Variants in COX7B2 observed in about 807,000 individuals in gnomAD.
The protein encoded by COX7B2 is cytochrome c oxidase subunit 7B2.
For synonymous variants in COX7B2, 37 were observed against 32.1 expected (o/e 1.15, Z -0.51); for missense variants, 109 against 95.9 (o/e 1.14, Z -0.57).
At chr4:46,883,376 T>C (rs1461967861) in intron 1 of COX7B2, among the ~76,000 whole-genome samples, 1 of 118,100 alleles carries the variant, frequency 8.5e-6, no homozygotes, top group Non-Finnish European at 1.8e-5. Context: ...GAATTCCCTT[T>C]CTGTATTTTT....
At chr4:46,871,092 A>G (rs1717962442) in intron 1 of COX7B2, among the ~76,000 whole-genome samples, 1 of 152,326 alleles carries the variant, frequency 6.6e-6, no homozygotes, top group East Asian at 1.9e-4. Flanking sequence ...ACTTCCAACT[A>G]TATGACAAGG....
intron 2 of COX7B2, among the ~76,000 whole-genome samples, chr4:46,831,315 G>GC (rs577328070): frequency 3.3e-5 from 5 of 152,162 alleles, no homozygotes; most frequent in Middle Eastern, 6.8e-3. Flanking sequence ...ATGCCTGAGT[G>GC]CCCCCCCAAC....
intron 2 of COX7B2, among the ~76,000 whole-genome samples, chr4:46,832,886 G>A (rs1302990080): frequency 6.6e-6 from 1 of 151,510 alleles, no homozygotes; most frequent in African/African-American, 2.4e-5. Flanking sequence ...TTCATGTACA[G>A]CCTGCTGAAC....
At chr4:46,769,684 C>T (rs2109510512) in intron 2 of COX7B2, among the ~76,000 whole-genome samples, 1 of 152,208 alleles carries the variant, frequency 6.6e-6, no homozygotes. Flanking sequence ...CACTACACTC[C>T]ATCATGGGTG....
At chr4:46,847,933 T>G (rs1408936131) in intron 1 of COX7B2, among the ~76,000 whole-genome samples, 4 of 151,852 alleles carry the variant, frequency 2.6e-5, no homozygotes, top group Non-Finnish European at 5.9e-5. Flanking sequence ...TAGCAGAAGG[T>G]GGTAAGAGGC....
intron 1 of COX7B2, among the ~76,000 whole-genome samples, chr4:46,875,842 A>C (rs981150995): frequency 4.0e-5 from 6 of 151,878 alleles, no homozygotes; most frequent in Non-Finnish European, 8.8e-5. Flanking sequence ...AGGCCAACTG[A>C]AGTGTTATAA....
At chr4:46,819,754 A>T (rs1049242073) in intron 2 of COX7B2, among the ~76,000 whole-genome samples, 2 of 152,196 alleles carry the variant, frequency 1.3e-5, no homozygotes, top group Admixed American at 1.3e-4. Context: ...TGTTTTATAT[A>T]TTAGGGTGCT....
chr4:46,761,787 C>G (rs779821277), intron 2 of COX7B2, among the ~76,000 whole-genome samples: 1 of 151,854 alleles, frequency 6.6e-6, no homozygotes, highest in African/African-American at 2.4e-5. Context: ...CAAGAGAGAC[C>G]AGGAGAAATC....
At chr4:46,808,413 A>C (rs552748405) in intron 2 of COX7B2, among the ~76,000 whole-genome samples, 2 of 151,710 alleles carry the variant, frequency 1.3e-5, no homozygotes, top group African/African-American at 4.8e-5. Flanking sequence ...TATTAGTTCT[A>C]TGAGTTTTTT....
intron 2 of COX7B2, among the ~76,000 whole-genome samples, chr4:46,785,776 G>GGAGCAACCCATGGGT (rs1717725776): frequency 6.6e-6 from 1 of 152,028 alleles, no homozygotes; most frequent in African/African-American, 2.4e-5. Context: ...ATAGAGAAGG[G>GGAGCAACCCATGGGT]GAGCAACCCA....
chr4:46,872,407 AC>A (rs751703896), intron 1 of COX7B2, among the ~76,000 whole-genome samples: 1 of 152,168 alleles, frequency 6.6e-6, no homozygotes, highest in Non-Finnish European at 1.5e-5. Context: ...AGTAATCTGT[AC>A]AGCAAACCCA....
At chr4:46,779,544 G>C (rs1181630762) in intron 2 of COX7B2, among the ~76,000 whole-genome samples, 1 of 152,126 alleles carries the variant, frequency 6.6e-6, no homozygotes, top group African/African-American at 2.4e-5. Flanking sequence ...TATAGACCCA[G>C]AAGAGAGATT....
intron 2 of COX7B2, among the ~76,000 whole-genome samples, chr4:46,767,045 A>G (rs915556690): frequency 2.0e-5 from 3 of 152,194 alleles, no homozygotes; most frequent in Non-Finnish European, 4.4e-5. Context: ...TAGATTAAAT[A>G]CTCCAATCAA....
chr4:46,759,656 A>C (rs1231046576), intron 2 of COX7B2, among the ~76,000 whole-genome samples: 1 of 152,098 alleles, frequency 6.6e-6, no homozygotes, highest in Non-Finnish European at 1.5e-5. Flanking sequence ...ATACCATCTC[A>C]TGCCAGTTAG....
chr4:46,813,262 A>G (rs1719378397), intron 2 of COX7B2, among the ~76,000 whole-genome samples: 1 of 152,232 alleles, frequency 6.6e-6, no homozygotes, highest in Non-Finnish European at 1.5e-5. Flanking sequence ...GTTCATGGGC[A>G]TTCAGAAGAT....
Position 46,848,794 on chromosome 4 carries a change from T to C in COX7B2, c.-104-3780A>G, listed in dbSNP as rs142466713. Reference sequence around the variant, plus strand: ...GTTTGTGTGTTTATGTGTATATATATTTATATATGCTCAATCGTCCCTTGG... The same window carrying C: ...GTTTGTGTGTTTATGTGTATATATACTTATATATGCTCAATCGTCCCTTGG... On this transcript the variant is annotated intron_variant, in intron 1 of 2. Transcript: ENST00000355591. 7.2e-5 allele frequency among the ~76,000 whole-genome samples: 11 copies of C among 152,144 alleles called. No individual in the cohort carries two copies. In the East Asian group the frequency reaches 2.1e-3, roughly 29 times the overall value.
At chr4:46,850,733 G>A (rs1220851849) in intron 1 of COX7B2, among the ~76,000 whole-genome samples, 1 of 152,008 alleles carries the variant, frequency 6.6e-6, no homozygotes, top group African/African-American at 2.4e-5. Context: ...CTTCACTACT[G>A]TACATAGGTC....
intron 2 of COX7B2, among the ~76,000 whole-genome samples, chr4:46,808,027 G>GT (rs1719093017): frequency 6.6e-6 from 1 of 151,658 alleles, no homozygotes; most frequent in South Asian, 2.1e-4. Flanking sequence ...TTTCATATTG[G>GT]TTTTAAAGTT....
intron 1 of COX7B2, among the ~76,000 whole-genome samples, chr4:46,875,840 TG>T (rs1255021254): frequency 1.3e-5 from 2 of 151,928 alleles, no homozygotes; most frequent in Non-Finnish European, 2.9e-5. Flanking sequence ...CAAGGCCAAC[TG>T]AAGTGTTATA....
Sources: gnomAD v4.1 joint callset for allele counts (sites outside exome capture counted in the v4.1 genomes callset) on GRCh38, gnomAD v4.1.1 for gene constraint, MANE v1.5 for transcripts, NCBI Gene and HGNC (gene_info 2026-07-23, HGNC 2026-07-21) for gene names.